The following DECR1 variants were observed in gnomAD, a reference collection of about 807,000 sequenced individuals.
The protein encoded by DECR1 is 2,4-dienoyl-CoA reductase [(3E)-enoyl-CoA-producing], mitochondrial.
A neutral mutation model predicts 38.8 loss-of-function variants in DECR1; 44 were observed. The observed-to-expected ratio is 1.13, with a 90% CI of 0.89 to 1.46. The LOEUF (loss-of-function observed/expected upper bound fraction) is 1.46, where lower values mean the gene tolerates loss of function less well. Among genes scored for constraint, DECR1 ranks in the 40% most tolerant of loss-of-function variants. The pLI is 0.00. For missense variants in DECR1, 428 were observed against 405.5 expected, an observed-to-expected ratio of 1.06 and a Z score of -0.48; for synonymous variants, 148 against 135.2, an observed-to-expected ratio of 1.09 and a Z score of -0.66.
chr8:90,026,636 G>C (rs199512493), intron 5 of DECR1, among the ~76,000 whole-genome samples: 1 of 151,754 alleles, frequency 6.6e-6, no homozygotes, highest in African/African-American at 2.4e-5. Flanking sequence ...TACTCTTGCT[G>C]GCAGTCTATC....
At chr8:90,025,273 C>T (rs1813301051) in intron 5 of DECR1, among the ~76,000 whole-genome samples, 1 of 152,086 alleles carries the variant, frequency 6.6e-6, no homozygotes, top group Non-Finnish European at 1.5e-5. Context: ...TCATTGGTAG[C>T]TTGATGGGGA....
intron 5 of DECR1, among the ~76,000 whole-genome samples, chr8:90,025,522 TTGTC>T (rs1382315844): frequency 6.6e-6 from 1 of 152,190 alleles, no homozygotes; most frequent in African/African-American, 2.4e-5. Context: ...GGCTTTCTGT[TTGTC>T]TGTTATTGCT....
chr8:90,023,782 T>TA (rs776862323), intron 5 of DECR1, among the ~76,000 whole-genome samples: 22 of 152,158 alleles, frequency 1.4e-4, no homozygotes, highest in Non-Finnish European at 2.8e-4. Flanking sequence ...GTTCGTTACA[T>TA]ATGTATACAT....
chr8:90,033,154 CT>C (rs1204180230), intron 5 of DECR1, among the ~76,000 whole-genome samples: 1 of 152,082 alleles, frequency 6.6e-6, no homozygotes, highest in African/African-American at 2.4e-5. Flanking sequence ...TTTAGTGATT[CT>C]TTCAATTCAT....
intron 8 of DECR1, among the ~76,000 whole-genome samples, chr8:90,046,918 C>A (rs1391400111): frequency 6.6e-6 from 1 of 152,160 alleles, no homozygotes; most frequent in Non-Finnish European, 1.5e-5. Flanking sequence ...CCTAGAATTT[C>A]ATATCCAGCC....
intron 1 of DECR1, among the ~76,000 whole-genome samples, chr8:90,016,389 CT>C (rs1277745914): frequency 2.6e-5 from 4 of 152,128 alleles, no homozygotes; most frequent in Admixed American, 6.5e-5. Context: ...GTAATCCCAG[CT>C]CTTTGGGAGG....
In DECR1 at chr8:90,042,757, G is replaced by C. The variant is rs781254617; in HGVS notation, c.695G>C (p.Gly232Ala). ...KSLAAEWGKY[G>A]MRFNVIQPGP... ...CTTGCAGCTGAATGGGGTAAATATG[G>C]AATGCGATTCAATGTGATTCAACCA... Residue 232 changes from glycine (G) to alanine (A), a missense_variant, in exon 7 of 10, where the codon GGA (glycine) becomes GCA (alanine). Coordinates refer to ENST00000220764, the MANE Select transcript of DECR1 (RefSeq NM_001359.2). 3.7e-6 allele frequency: 6 copies of C among 1,613,576 alleles called. No individual in the cohort carries two copies. The South Asian group carries it at 6.6e-5, about 18-fold the overall frequency.
intron 7 of DECR1, 79 bp downstream of exon 7, chr8:90,042,879 T>A: frequency 7.9e-7 from 1 of 1,265,566 alleles, no homozygotes; most frequent in Non-Finnish European, 1.2e-6. Flanking sequence ...GGTTGTTGTG[T>A]AAAGGACTTT....
At chr8:90,009,570 A>G (rs1325213934) in intron 1 of DECR1, among the ~76,000 whole-genome samples, 1 of 152,162 alleles carries the variant, frequency 6.6e-6, no homozygotes. Flanking sequence ...TGCTCAATAA[A>G]CACTTGCTTA....
At chr8:90,042,578 A>G in intron 6 of DECR1, 150 bp from the exon 7 acceptor site, 1 of 653,492 alleles carries the variant, frequency 1.5e-6, no homozygotes, top group Non-Finnish European at 2.7e-6. Flanking sequence ...CCTTAGTTAC[A>G]TTATCTGTAA....
intron 6 of DECR1, among the ~76,000 whole-genome samples, chr8:90,039,242 G>A (rs368725410): frequency 2.0e-5 from 3 of 152,046 alleles, no homozygotes; most frequent in Non-Finnish European, 2.9e-5. Flanking sequence ...GTATTAGTCC[G>A]TTCTCACTCT....
chr8:90,006,143 C>G, intron 1 of DECR1: 2 of 696,400 alleles, frequency 2.9e-6, no homozygotes, highest in South Asian at 1.5e-5. Flanking sequence ...CATGAGTTTT[C>G]AAGGGACAAA....
At chr8:90,003,091 G>A (rs1396398599) in intron 1 of DECR1, 1 of 152,202 alleles carries the variant, frequency 6.6e-6, no homozygotes, top group Non-Finnish European at 1.5e-5. Flanking sequence ...GAGGTTCAGG[G>A]TTGGGAGGCA....
chr8:90,042,120 C>T (rs1813777809), intron 6 of DECR1, among the ~76,000 whole-genome samples: 2 of 152,032 alleles, frequency 1.3e-5, no homozygotes, highest in South Asian at 4.1e-4. Context: ...TGTTAGATTC[C>T]TATTTCCTTT....
intron 8 of DECR1, among the ~76,000 whole-genome samples, chr8:90,045,555 C>A (rs1373326173): frequency 6.6e-6 from 1 of 152,166 alleles, no homozygotes; most frequent in Non-Finnish European, 1.5e-5. Flanking sequence ...TGGAGCCCAC[C>A]ACAGCTCAAG....
In DECR1 at chr8:90,001,578, C is replaced by T. The variant is rs777861790; in HGVS notation, c.69+17C>T. The T allele has an allele frequency of 6.8e-6, 11 of 1,608,888 alleles. No individual in the cohort carries two copies. In the African/African-American group the frequency reaches 1.3e-4, roughly 20 times the overall value. On this transcript the variant is annotated intron_variant, in intron 1 of 9. Transcript: ENST00000220764. ...CCTCGGAGGGTAAGGCGGCCGGGGG[C>T]GCGGGGAGCGAGGACAGGGCGTCTC...
Position 90,013,634 on chromosome 8 carries a change from G to A in DECR1, c.70-3490G>A, listed in dbSNP as rs567636463. Among the ~76,000 whole-genome samples, 10 of 152,130 alleles carry A rather than the reference G, an allele frequency of 6.6e-5. No individual in the cohort carries two copies. In the South Asian group the frequency reaches 2.1e-3, roughly 32 times the overall value. Reference sequence around the variant, plus strand: ...TGTGGTAAGGTGTACCCAAGTGTTGGTAGAGCTTCTGACTTTTATGTGAAT... The same window carrying A: ...TGTGGTAAGGTGTACCCAAGTGTTGATAGAGCTTCTGACTTTTATGTGAAT... On this transcript the variant is annotated intron_variant, in intron 1 of 9. Transcript: ENST00000220764.
intron 1 of DECR1, among the ~76,000 whole-genome samples, chr8:90,006,727 A>T (rs916740604): frequency 6.6e-6 from 1 of 152,236 alleles, no homozygotes; most frequent in African/African-American, 2.4e-5. Flanking sequence ...TGTGAGCAGA[A>T]ATACGATATC....
At position 90,017,234 on chromosome 8, in the gene DECR1, A is replaced by C. The variant is rs1813030991; in HGVS notation, c.180A>C (p.Lys60Asn). Reference protein sequence around the residue: ...AMLPPNSFQGKVAFITGGGTG... With the variant: ...AMLPPNSFQGNVAFITGGGTG... ...TACCACCTAATAGTTTTCAAGGAAA[A>C]GTGGCATTCATTACTGGGGGAGGTA... Residue 60 changes from lysine (K) to asparagine (N), a missense_variant, in exon 2 of 10, where the codon AAA (lysine) becomes AAC (asparagine). Coordinates refer to ENST00000220764, the MANE Select transcript of DECR1 (RefSeq NM_001359.2). The C allele has an allele frequency of 2.5e-6, 4 of 1,614,198 alleles. No homozygotes were observed. In the East Asian group the frequency reaches 6.7e-5, roughly 27 times the overall value.
Sources: gnomAD v4.1 joint callset for allele counts (sites outside exome capture counted in the v4.1 genomes callset) on GRCh38, gnomAD v4.1.1 for gene constraint, MANE v1.5 for transcripts, NCBI Gene and HGNC (gene_info 2026-07-23, HGNC 2026-07-21) for gene names.